CAPN9: variants seen among roughly 807,000 people sequenced by gnomAD.
The protein encoded by CAPN9 is calpain-9.
CAPN9 carries 81 observed loss-of-function variants against 92.8 expected under a neutral mutation model. That is an observed-to-expected ratio of 0.87 (90% CI 0.73 to 1.05). The LOEUF is 1.05. Among genes scored for constraint, CAPN9 ranks in the 50% least tolerant of loss-of-function variants. The pLI, the probability that CAPN9 is intolerant of heterozygous loss-of-function variation, is 0.00. For synonymous variants in CAPN9, 304 were observed against 328.0 expected, an observed-to-expected ratio of 0.93 and a Z score of 0.79; for missense variants, 848 against 866.2, an observed-to-expected ratio of 0.98 and a Z score of 0.26.
At chr1:230,771,946 T>C in intron 6 of CAPN9, 68 bp from the exon 7 acceptor site, 1 of 1,292,550 alleles carries the variant, frequency 7.7e-7, no homozygotes, top group Non-Finnish European at 1.1e-6. Flanking sequence ...CTGGAGCTCA[T>C]AGATGAATGT....
intron 1 of CAPN9, among the ~76,000 whole-genome samples, chr1:230,751,785 T>C (rs1208774984): frequency 2.1e-5 from 3 of 144,516 alleles, no homozygotes; most frequent in Non-Finnish European, 3.0e-5. Context: ...GAACAGTCCC[T>C]GAAAGCAAAC....
At chr1:230,772,558 G>A (rs890677721) in intron 7 of CAPN9, among the ~76,000 whole-genome samples, 2 of 152,104 alleles carry the variant, frequency 1.3e-5, no homozygotes, top group African/African-American at 4.8e-5. Context: ...ACTGACCATG[G>A]CAGAGGCCCA....
chr1:230,797,253 A>G (rs1211100093), intron 18 of CAPN9, among the ~76,000 whole-genome samples: 1 of 152,216 alleles, frequency 6.6e-6, no homozygotes, highest in Non-Finnish European at 1.5e-5. Context: ...TGCTCCCGCA[A>G]CACATACATT....
intron 1 of CAPN9, among the ~76,000 whole-genome samples, chr1:230,754,074 G>C (rs1285526183): frequency 8.3e-6 from 1 of 121,174 alleles, no homozygotes; most frequent in Non-Finnish European, 1.9e-5. Flanking sequence ...TGCAGGCACA[G>C]TGGGCGCCGT....
At position 230,748,968 on chromosome 1, in the gene CAPN9, G is replaced by T. The variant is rs552718595; in HGVS notation, c.213+1259G>T. 5.9e-5 allele frequency among the ~76,000 whole-genome samples: 9 copies of T among 152,298 alleles called. No homozygotes were observed. In the East Asian group the frequency reaches 1.7e-3, roughly 29 times the overall value. On this transcript the variant is annotated intron_variant, in intron 1 of 19. Coordinates refer to ENST00000271971, the MANE Select transcript of CAPN9 (RefSeq NM_006615.3). The stretch of plus-strand genomic sequence containing the variant: ...TGTATGTGTGTGCACGCACTTGTGT[G>T]TGTAGGAATTTGACTGTGTATGTGC...
At chr1:230,794,586 A>G (rs1013022949) in intron 17 of CAPN9, among the ~76,000 whole-genome samples, 20 of 152,204 alleles carry the variant, frequency 1.3e-4, no homozygotes, top group African/African-American at 4.6e-4. Flanking sequence ...CCCATATGCC[A>G]CGGCTGGAGC....
chr1:230,769,275 GAA>G lies in CAPN9; in HGVS notation c.789+13_789+14del, dbSNP rs1666224276. 6.3e-7 allele frequency: 1 copy of G among 1,591,016 alleles called. No individual in the cohort carries two copies. The highest frequency in any genetic ancestry group is 2.2e-5 in the East Asian group (1 of 44,748). On this transcript the variant is annotated intron_variant, in intron 6 of 19. Transcript: ENST00000271971. The stretch of plus-strand genomic sequence containing the variant: ...CGGGAATTGACCAGGTAGGCGACTT[GAA>G]CTCCAACTGCAGGCTATGGGGAGAC...
At chr1:230,800,238 GA>G (rs1241435162) in intron 19 of CAPN9, among the ~76,000 whole-genome samples, 4 of 49,516 alleles carry the variant, frequency 8.1e-5, no homozygotes, top group African/African-American at 3.5e-4. Flanking sequence ...AAAGAAGAAA[GA>G]AAGAAAGAAA....
In CAPN9 at chr1:230,747,616, C is replaced by A; in HGVS notation, c.120C>A (p.Gly40=). The change falls in exon 1 of 20, where the codon GGC becomes GGA. Residue 40 remains glycine, a synonymous_variant. Coordinates refer to ENST00000271971, the MANE Select transcript of CAPN9 (RefSeq NM_006615.3). The part of the protein sequence containing the change: ...EQMRQECLQR[G]TLFEDADFPA... ...TGAGGCAGGAGTGCCTGCAGAGAGG[C>A]ACCCTGTTTGAGGATGCAGACTTCC... is the stretch of plus-strand genomic sequence containing the variant. The A allele has an allele frequency of 6.2e-7, 1 of 1,614,144 alleles. No individual in the cohort carries two copies. The highest frequency in any genetic ancestry group is 8.5e-7 in the Non-Finnish European group (1 of 1,180,022).
intron 12 of CAPN9, among the ~76,000 whole-genome samples, chr1:230,787,271 G>T (rs574678019): frequency 1.3e-5 from 2 of 152,188 alleles, no homozygotes; most frequent in Non-Finnish European, 2.9e-5. Context: ...CACGGGTCAA[G>T]GTCCTTTGGC....
At position 230,762,694 on chromosome 1, in the gene CAPN9, C is replaced by T. The variant is rs923857765; in HGVS notation, c.444C>T (p.Asp148=). The T allele has an allele frequency of 2.6e-5, 42 of 1,614,050 alleles. No homozygotes were observed. Among genetic ancestry groups the T allele is most frequent in the Non-Finnish European group, 3.5e-5 (41 of 1,180,008 alleles). Reference sequence around the variant, plus strand: ...AGTGGCTGGACGTGGTGATCGATGACCGCCTGCCCACCTTCAGGGACCGCT... The same window carrying T: ...AGTGGCTGGACGTGGTGATCGATGATCGCCTGCCCACCTTCAGGGACCGCT... ...HSEWLDVVID[D]RLPTFRDRLV... Residue 148 remains aspartate (D), a synonymous_variant, in exon 4 of 20, where the codon GAC becomes GAT. Transcript: ENST00000271971.
At chr1:230,781,099 C>T (rs1199207368) in intron 11 of CAPN9, among the ~76,000 whole-genome samples, 1 of 152,084 alleles carries the variant, frequency 6.6e-6, no homozygotes, top group Non-Finnish European at 1.5e-5. Flanking sequence ...GAACTCCTGA[C>T]CTTAGGTGAT....
intron 17 of CAPN9, 28 bp downstream of exon 17, chr1:230,792,956 C>T (rs959174681): frequency 6.4e-7 from 1 of 1,556,386 alleles, no homozygotes. Context: ...GTACAGGTGG[C>T]TGACTGCATG....
chr1:230,780,340 G>T lies in CAPN9; in HGVS notation c.1272+4G>T, dbSNP rs1373832244. The T allele has an allele frequency of 6.2e-7, 1 of 1,613,652 alleles. No homozygotes were observed. Among genetic ancestry groups the T allele is most frequent in the Non-Finnish European group, 8.5e-7 (1 of 1,179,808 alleles). On this transcript the variant is annotated splice_donor_region_variant and intron_variant, in intron 10 of 19. Transcript: ENST00000271971. ...AATCGGCTATGCCATTTATGAGGTA[G>T]GTGGGAACCACACTGCATTTCAGAG...
chr1:230,789,473 C>CAAAAAAA lies in CAPN9; in HGVS notation c.1600-638_1600-632dup, dbSNP rs57738295. Reference sequence around the variant, plus strand: ...TGGATGACAGAGCAAGACCCTGTATCAAAAAAAAAAAAAAAAAAAAAAAAA... The same window carrying CAAAAAAA: ...TGGATGACAGAGCAAGACCCTGTATCAAAAAAAAAAAAAAAAAAAAAAAAAAAAAAAA... On this transcript the variant is annotated intron_variant, in intron 13 of 19. Transcript: ENST00000271971. 1.8e-4 allele frequency among the ~76,000 whole-genome samples: 12 copies of CAAAAAAA among 66,280 alleles called. No individual in the cohort carries two copies. In the East Asian group the frequency reaches 5.6e-3, roughly 31 times the overall value. The allele number at this position is 66,280 out of a possible 152,430, so 43.5% of individuals were successfully genotyped here. A position where few individuals can be genotyped will look rare whatever the true frequency, so the allele number is the denominator to read the frequency against.
intron 9 of CAPN9, among the ~76,000 whole-genome samples, chr1:230,779,490 C>A (rs547317549): frequency 6.6e-6 from 1 of 152,210 alleles, no homozygotes; most frequent in East Asian, 1.9e-4. Context: ...ATTCACTGTT[C>A]TGCCCTCTTT....
At position 230,750,364 on chromosome 1, in the gene CAPN9, C is replaced by A. The variant is rs371324304; in HGVS notation, c.213+2655C>A. Among the ~76,000 whole-genome samples the A allele has an allele frequency of 2.1e-4, 32 of 152,304 alleles. No individual in the cohort carries two copies. The South Asian group carries it at 5.4e-3, about 26-fold the overall frequency. The stretch of plus-strand genomic sequence containing the variant: ...TTTTCAGAATCTGTTCTGCCTTTTC[C>A]TTTGTCTGCAACTGAAGATTGTCCC... On this transcript the variant is annotated intron_variant, in intron 1 of 19. Coordinates refer to ENST00000271971, the MANE Select transcript of CAPN9 (RefSeq NM_006615.3).
chr1:230,764,950 T>C (rs1002188207), intron 4 of CAPN9, among the ~76,000 whole-genome samples: 2 of 152,182 alleles, frequency 1.3e-5, no homozygotes, highest in African/African-American at 4.8e-5. Flanking sequence ...TGGGTTATCA[T>C]ACACATATGT....
chr1:230,764,854 C>G (rs1325734309), intron 4 of CAPN9, among the ~76,000 whole-genome samples: 3 of 152,132 alleles, frequency 2.0e-5, no homozygotes, highest in Admixed American at 2.0e-4. Context: ...CCAGAATGAA[C>G]TTAGATTTAG....
Sources: gnomAD v4.1 joint callset for allele counts (sites outside exome capture counted in the v4.1 genomes callset) on GRCh38, gnomAD v4.1.1 for gene constraint, MANE v1.5 for transcripts, NCBI Gene and HGNC (gene_info 2026-07-23, HGNC 2026-07-21) for gene names.